The following PDSS2 variants were observed in gnomAD, a reference collection of about 807,000 sequenced individuals.
The protein encoded by PDSS2 is decaprenyl diphosphate synthase subunit 2.
Under a neutral mutation model 44.5 loss-of-function variants are expected in PDSS2, and 31 were observed. That is an observed-to-expected ratio of 0.70 (90% CI 0.52 to 0.94). The LOEUF (loss-of-function observed/expected upper bound fraction) is 0.94. Among genes scored for constraint, PDSS2 ranks in the 40% least tolerant of loss-of-function variants. PDSS2 has a pLI of 0.00. For missense variants in PDSS2, 452 were observed against 482.2 expected (o/e 0.94, Z 0.59); for synonymous variants, 157 against 180.3 (o/e 0.87, Z 1.03).
intron 1 of PDSS2, among the ~76,000 whole-genome samples, chr6:107,456,869 T>C (rs12110717): frequency 0.015 from 2,344 of 152,252 alleles, 70 homozygotes; most frequent in African/African-American, 0.054. Flanking sequence ...AGGAAAAGTG[T>C]TTAAAAACAG....
intron 4 of PDSS2, among the ~76,000 whole-genome samples, chr6:107,218,088 C>A (rs1389910220): frequency 6.6e-6 from 1 of 152,172 alleles, no homozygotes; most frequent in Non-Finnish European, 1.5e-5. Flanking sequence ...TTTCATAAAA[C>A]CTCCAACCTT....
At chr6:107,155,032 G>A (rs1173798132) in intron 7 of PDSS2, among the ~76,000 whole-genome samples, 2 of 152,024 alleles carry the variant, frequency 1.3e-5, no homozygotes, top group African/African-American at 4.8e-5. Flanking sequence ...AGCTCCTCCT[G>A]ACTCCCATCC....
intron 7 of PDSS2, among the ~76,000 whole-genome samples, chr6:107,174,038 G>C (rs1554249255): frequency 6.6e-6 from 1 of 152,166 alleles, no homozygotes; most frequent in Admixed American, 6.6e-5. Context: ...AACACAGGCA[G>C]GAATGGTCTC....
intron 1 of PDSS2, among the ~76,000 whole-genome samples, chr6:107,423,353 A>G (rs180870140): frequency 1.4e-4 from 22 of 152,332 alleles, no homozygotes; most frequent in African/African-American, 5.0e-4. Context: ...TGGGAAAAAA[A>G]GAATTTCATT....
At chr6:107,331,484 A>G (rs1777709185) in intron 2 of PDSS2, among the ~76,000 whole-genome samples, 3 of 152,146 alleles carry the variant, frequency 2.0e-5, no homozygotes, top group African/African-American at 4.8e-5. Context: ...CTTTTAGTCA[A>G]ATTGCTTGGA....
At chr6:107,337,699 C>G (rs1777949197) in intron 1 of PDSS2, among the ~76,000 whole-genome samples, 1 of 152,066 alleles carries the variant, frequency 6.6e-6, no homozygotes, top group Admixed American at 6.6e-5. Flanking sequence ...CATTTTCTTT[C>G]TTCTACTCTC....
intron 4 of PDSS2, among the ~76,000 whole-genome samples, chr6:107,226,105 G>C (rs1427716544): frequency 6.6e-6 from 1 of 152,064 alleles, no homozygotes; most frequent in Non-Finnish European, 1.5e-5. Context: ...TCAGGAGATC[G>C]AGACCATCCT....
intron 2 of PDSS2, among the ~76,000 whole-genome samples, chr6:107,286,136 T>TAAAAA (rs1554262539): frequency 2.1e-3 from 268 of 128,690 alleles, no homozygotes; most frequent in Non-Finnish European, 3.1e-3. Context: ...CGTCGCAAAA[T>TAAAAA]AAAAAAAAAA....
chr6:107,222,590 G>T (rs1287076272), intron 4 of PDSS2, among the ~76,000 whole-genome samples: 1 of 151,408 alleles, frequency 6.6e-6, no homozygotes, highest in Non-Finnish European at 1.5e-5. Context: ...GGGAGGCAGA[G>T]GTTGCAGTGA....
chr6:107,362,822 A>T (rs1430457415), intron 1 of PDSS2, among the ~76,000 whole-genome samples: 2 of 152,198 alleles, frequency 1.3e-5, no homozygotes, highest in African/African-American at 4.8e-5. Context: ...CTCAGTAAAA[A>T]GATAGAAAAT....
chr6:107,169,297 C>T (rs1378415333), intron 7 of PDSS2, among the ~76,000 whole-genome samples: 3 of 152,188 alleles, frequency 2.0e-5, no homozygotes, highest in South Asian at 2.1e-4. Flanking sequence ...GCATTCGTCA[C>T]GTAGTTCTTG....
At chr6:107,287,522 T>G (rs1776195515) in intron 2 of PDSS2, among the ~76,000 whole-genome samples, 1 of 152,056 alleles carries the variant, frequency 6.6e-6, no homozygotes, top group East Asian at 1.9e-4. Flanking sequence ...AATTAAAAAT[T>G]TTCATTTTAT....
At chr6:107,225,157 ATATATTTTTTTTTTTT>A (rs1438392524) in intron 4 of PDSS2, among the ~76,000 whole-genome samples, 34 of 30,570 alleles carry the variant, frequency 1.1e-3, no homozygotes, top group African/African-American at 5.7e-3. Context: ...ATATATATAT[ATATATTTTTTTTTTTT>A]TTTTTTTTTT....
At chr6:107,174,534 G>T (rs1030218666) in intron 7 of PDSS2, among the ~76,000 whole-genome samples, 1 of 152,158 alleles carries the variant, frequency 6.6e-6, no homozygotes, top group Non-Finnish European at 1.5e-5. Flanking sequence ...CAAGATTCTA[G>T]CTGATAGTGC....
At chr6:107,170,806 T>C (rs1771546535) in intron 7 of PDSS2, among the ~76,000 whole-genome samples, 1 of 151,890 alleles carries the variant, frequency 6.6e-6, no homozygotes, top group Non-Finnish European at 1.5e-5. Flanking sequence ...AGAGATAAGG[T>C]TTCACCATGT....
At chr6:107,256,283 G>T (rs1423631683) in intron 3 of PDSS2, among the ~76,000 whole-genome samples, 2 of 152,160 alleles carry the variant, frequency 1.3e-5, no homozygotes, top group African/African-American at 2.4e-5. Flanking sequence ...GAGCCACGGT[G>T]CCCTGCCTGA....
At chr6:107,225,703 A>G (rs2114706292) in intron 4 of PDSS2, among the ~76,000 whole-genome samples, 1 of 152,340 alleles carries the variant, frequency 6.6e-6, no homozygotes, top group African/African-American at 2.4e-5. Context: ...GTTTTCTAGA[A>G]AAATTCTTTT....
intron 1 of PDSS2, among the ~76,000 whole-genome samples, chr6:107,351,193 C>A (rs908941911): frequency 1.3e-5 from 2 of 152,180 alleles, no homozygotes; most frequent in African/African-American, 4.8e-5. Flanking sequence ...TCTCTGAGCA[C>A]ATCTGTCCAA....
intron 2 of PDSS2, among the ~76,000 whole-genome samples, chr6:107,310,017 G>A (rs1271931021): frequency 1.3e-5 from 2 of 152,126 alleles, no homozygotes; most frequent in Non-Finnish European, 2.9e-5. Flanking sequence ...TGGGTGTGGT[G>A]GTTCACACCT....
Sources: gnomAD v4.1 joint callset for allele counts (sites outside exome capture counted in the v4.1 genomes callset) on GRCh38, gnomAD v4.1.1 for gene constraint, MANE v1.5 for transcripts, NCBI Gene and HGNC (gene_info 2026-07-23, HGNC 2026-07-21) for gene names.